MCF2L2: variants seen among roughly 807,000 people sequenced by gnomAD.
The protein encoded by MCF2L2 is MCF.2 cell line derived transforming sequence-like 2.
Under a neutral mutation model 150.2 loss-of-function variants are expected in MCF2L2, and 102 were observed. The observed-to-expected ratio is 0.68, with a 90% CI of 0.58 to 0.80. The LOEUF (loss-of-function observed/expected upper bound fraction) is 0.80. Among genes scored for constraint, MCF2L2 ranks in the 30% least tolerant of loss-of-function variants. The pLI is 0.00. For synonymous variants in MCF2L2, 465 were observed against 491.3 expected (o/e 0.95, Z 0.71); for missense variants, 1,256 against 1,372.8 (o/e 0.91, Z 1.34).
intron 2 of MCF2L2, among the ~76,000 whole-genome samples, chr3:183,387,814 C>A (rs903802875): frequency 4.0e-5 from 6 of 151,620 alleles, no homozygotes; most frequent in Admixed American, 3.3e-4. Context: ...TGCCTATAAT[C>A]CCAGCTACTC....
intron 1 of MCF2L2, among the ~76,000 whole-genome samples, chr3:183,423,206 C>G (rs1715974144): frequency 6.6e-6 from 1 of 152,178 alleles, no homozygotes; most frequent in Non-Finnish European, 1.5e-5. Flanking sequence ...TCTAATTAGA[C>G]TCTTCTTTCA....
chr3:183,249,342 G>A (rs1724406144), intron 15 of MCF2L2, among the ~76,000 whole-genome samples: 1 of 152,224 alleles, frequency 6.6e-6, no homozygotes, highest in Non-Finnish European at 1.5e-5. Context: ...GGGGCTGTTG[G>A]AGGGTTGACA....
intron 15 of MCF2L2, among the ~76,000 whole-genome samples, chr3:183,264,146 C>T (rs910720466): frequency 6.6e-6 from 1 of 152,192 alleles, no homozygotes; most frequent in Non-Finnish European, 1.5e-5. Context: ...TCTGTACCCC[C>T]CTAAGACTCC....
intron 20 of MCF2L2, among the ~76,000 whole-genome samples, chr3:183,222,809 C>A (rs1048406557): frequency 6.6e-5 from 10 of 151,958 alleles, no homozygotes; most frequent in African/African-American, 2.4e-4. Context: ...TGCTTGCCTG[C>A]AGATGTGCTA....
chr3:183,409,551 C>CTTTTTTT (rs11336262), intron 1 of MCF2L2, among the ~76,000 whole-genome samples: 1 of 121,752 alleles, frequency 8.2e-6, no homozygotes, highest in Non-Finnish European at 1.7e-5. Context: ...GCTAAAATTT[C>CTTTTTTT]TTTTTTTTTT....
chr3:183,353,260 G>T (rs1033582592), intron 3 of MCF2L2, among the ~76,000 whole-genome samples: 1 of 152,102 alleles, frequency 6.6e-6, no homozygotes, highest in Admixed American at 6.6e-5. Flanking sequence ...TCATAGAAAA[G>T]ACCATATTTA....
intron 3 of MCF2L2, among the ~76,000 whole-genome samples, chr3:183,353,288 A>T (rs1405388202): frequency 1.3e-5 from 2 of 152,186 alleles, no homozygotes; most frequent in African/African-American, 4.8e-5. Flanking sequence ...CTTCCGCTTT[A>T]CAGAAGGAAG....
At chr3:183,212,675 C>T (rs1722773594) in intron 22 of MCF2L2, among the ~76,000 whole-genome samples, 1 of 136,214 alleles carries the variant, frequency 7.3e-6, no homozygotes, top group Non-Finnish European at 1.7e-5. Flanking sequence ...ATGACTGTCA[C>T]AAACTTACTG....
At chr3:183,348,065 G>A (rs573226910) in intron 3 of MCF2L2, among the ~76,000 whole-genome samples, 22 of 152,218 alleles carry the variant, frequency 1.4e-4, no homozygotes, top group Middle Eastern at 3.4e-3. Context: ...ATACCCAAAG[G>A]ATTATAAATC....
At chr3:183,260,205 A>C (rs1422590014) in intron 15 of MCF2L2, among the ~76,000 whole-genome samples, 1 of 152,052 alleles carries the variant, frequency 6.6e-6, no homozygotes, top group Non-Finnish European at 1.5e-5. Context: ...CAAAATGTGG[A>C]GGGAGATCCT....
intron 15 of MCF2L2, among the ~76,000 whole-genome samples, chr3:183,258,765 G>C (rs757492140): frequency 1.3e-5 from 2 of 151,716 alleles, no homozygotes; most frequent in African/African-American, 4.8e-5. Context: ...TTTAGAGATG[G>C]GTCTCACTCT....
chr3:183,395,603 G>A (rs1714391213), intron 1 of MCF2L2, among the ~76,000 whole-genome samples: 1 of 152,132 alleles, frequency 6.6e-6, no homozygotes, highest in Admixed American at 6.6e-5. Flanking sequence ...ATACACTGAT[G>A]TAACCATCAA....
chr3:183,229,848 C>T (rs754838641), intron 16 of MCF2L2, 67 bp from the exon 17 acceptor site: 20 of 641,530 alleles, frequency 3.1e-5, no homozygotes, highest in Non-Finnish European at 5.0e-5. Flanking sequence ...GAATTAGCTA[C>T]TGCAAAACCC....
intron 1 of MCF2L2, 104 bp downstream of exon 1, chr3:183,427,798 C>T: frequency 3.1e-6 from 3 of 973,032 alleles, no homozygotes; most frequent in Non-Finnish European, 4.9e-6. Context: ...CCCCAGGAAG[C>T]GCGCTGCCCC....
At chr3:183,342,620 ATGTGTGTGTGTGTGTGTGTGTGTGTG>A (rs57683720) in intron 3 of MCF2L2, among the ~76,000 whole-genome samples, 18 of 142,982 alleles carry the variant, frequency 1.3e-4, no homozygotes, top group African/African-American at 3.8e-4. Context: ...TGAAGATTAA[ATGTGTGTGTGTGTGTGTGTGTGTGTG>A]TGTGTGTGTG....
chr3:183,364,918 A>G (rs1712437612), intron 3 of MCF2L2, among the ~76,000 whole-genome samples: 1 of 152,208 alleles, frequency 6.6e-6, no homozygotes, highest in African/African-American at 2.4e-5. Flanking sequence ...CGAATTCTAC[A>G]AAATCAATGA....
intron 3 of MCF2L2, among the ~76,000 whole-genome samples, chr3:183,342,313 G>A (rs1730732530): frequency 6.6e-6 from 1 of 152,088 alleles, no homozygotes; most frequent in Non-Finnish European, 1.5e-5. Flanking sequence ...AAGGTCTTTG[G>A]GGCCTGGTTC....
In MCF2L2 at chr3:183,270,314, A is replaced by T; in HGVS notation, c.1862+6558T>A. ...CTTTCTACAATCTTACTCTGAAATT[A>T]CTTATGCAGTTCAGTTGGGCAAATA... On this transcript the variant is annotated intron_variant, in intron 15 of 29. Transcript: ENST00000328913. The surrounding 1 kb of genome is among the most constrained non-coding windows in gnomAD (Gnocchi z 4.5). The T allele has an allele frequency of 6.2e-7, 1 of 1,614,202 alleles. No homozygotes were observed. Among genetic ancestry groups the T allele is most frequent in the South Asian group, 1.1e-5 (1 of 91,082 alleles).
At chr3:183,313,525 G>A (rs1302369904) in intron 7 of MCF2L2, among the ~76,000 whole-genome samples, 1 of 152,138 alleles carries the variant, frequency 6.6e-6, no homozygotes, top group Non-Finnish European at 1.5e-5. Flanking sequence ...TCAACCACAG[G>A]GTCAACTTGA....
Sources: allele counts gnomAD v4.1 joint callset (sites outside exome capture counted in the v4.1 genomes callset), GRCh38; gene constraint gnomAD v4.1.1; non-coding constraint Gnocchi (gnomAD v3.1); transcripts MANE v1.5; gene names NCBI Gene and HGNC (gene_info 2026-07-23, HGNC 2026-07-21).